LRIT3: variants seen among roughly 807,000 people sequenced by gnomAD.
LRIT3 encodes the protein leucine rich repeat, Ig-like and transmembrane domains 3, also known as leucine-rich repeat, immunoglobulin-like domain and transmembrane domain-containing protein 3.
In LRIT3, 14 loss-of-function variants were observed where a neutral mutation model predicts 22.6. That is an observed-to-expected ratio of 0.62 (90% CI 0.41 to 0.97). The LOEUF is 0.97. Ranked by LOEUF, LRIT3 falls within the 50% of genes least tolerant of loss-of-function variation. LRIT3 has a pLI of 0.00. For synonymous variants in LRIT3, 306 were observed against 304.5 expected (o/e 1.01, Z -0.05); for missense variants, 783 against 803.0 (o/e 0.98, Z 0.30).
intron 2 of LRIT3, among the ~76,000 whole-genome samples, chr4:109,858,829 T>A (rs1451322042): frequency 6.6e-6 from 1 of 152,198 alleles, no homozygotes; most frequent in Middle Eastern, 3.2e-3. Flanking sequence ...TTATAAGGAA[T>A]ACCAGTAATA....
At chr4:109,856,344 G>A (rs964834077) in intron 2 of LRIT3, among the ~76,000 whole-genome samples, 6 of 152,062 alleles carry the variant, frequency 3.9e-5, no homozygotes, top group Non-Finnish European at 8.8e-5. Context: ...GATCATGATT[G>A]GATTGAATAA....
chr4:109,850,420 T>C (rs1393255980), intron 1 of LRIT3, among the ~76,000 whole-genome samples: 3 of 21,474 alleles, frequency 1.4e-4, no homozygotes, highest in African/African-American at 7.6e-4. Flanking sequence ...CCTTCCTTCC[T>C]TCCTTTCTTT....
intron 1 of LRIT3, among the ~76,000 whole-genome samples, chr4:109,849,917 C>CTTA (rs1392120436): frequency 2.6e-5 from 4 of 152,164 alleles, no homozygotes. Context: ...CCGGCCAATA[C>CTTA]TTTCTTAATG....
intron 2 of LRIT3, among the ~76,000 whole-genome samples, chr4:109,853,665 AC>A (rs1356773121): frequency 2.0e-5 from 3 of 152,016 alleles, no homozygotes; most frequent in African/African-American, 7.2e-5. Context: ...TGAAGTCTTT[AC>A]CCATGCCTAT....
intron 3 of LRIT3, among the ~76,000 whole-genome samples, chr4:109,868,149 A>T (rs1370120236): frequency 6.6e-6 from 1 of 152,168 alleles, no homozygotes; most frequent in East Asian, 1.9e-4. Flanking sequence ...AAACAATCTA[A>T]ACTCTTTTTC....
rs996689340 is a variant in LRIT3 at position 109,870,579 on chromosome 4, A to G, written c.1830A>G (p.Gln610=). Residue 610 remains glutamine, a synonymous_variant, in exon 4 of 4, where the codon CAA becomes CAG. Coordinates refer to ENST00000594814, the MANE Select transcript of LRIT3 (RefSeq NM_198506.5). ...CFLLYKVCKL[Q]CKSEPFWEDD... ...TGTTGTACAAAGTTTGCAAACTGCA[A>G]TGTAAATCAGAACCTTTTTGGGAAG... 4 of 1,613,960 alleles carry G rather than the reference A, an allele frequency of 2.5e-6. No homozygotes were observed. Among genetic ancestry groups the G allele is most frequent in the Non-Finnish European group, 3.4e-6 (4 of 1,179,842 alleles).
At chr4:109,867,491 G>A in intron 2 of LRIT3, 150 bp from the exon 3 acceptor site, 1 of 671,370 alleles carries the variant, frequency 1.5e-6, no homozygotes, top group South Asian at 1.9e-5. Context: ...GGATTGCAGA[G>A]CAAAACTGAC....
intron 3 of LRIT3, among the ~76,000 whole-genome samples, chr4:109,868,571 A>G (rs13121758): frequency 0.47 from 68,695 of 146,714 alleles, 19,582 homozygotes; most frequent in Non-Finnish European, 0.64. Flanking sequence ...AAAAAAAAAA[A>G]AAGGACGGGG....
At chr4:109,861,583 G>A (rs1734547558) in intron 2 of LRIT3, among the ~76,000 whole-genome samples, 1 of 152,062 alleles carries the variant, frequency 6.6e-6, no homozygotes, top group South Asian at 2.1e-4. Flanking sequence ...TATTAATGGT[G>A]TTGGCCAGAT....
chr4:109,852,046 T>G (rs1350826863), intron 2 of LRIT3, 70 bp downstream of exon 2: 1 of 1,386,576 alleles, frequency 7.2e-7, no homozygotes, highest in Non-Finnish European at 9.6e-7. Flanking sequence ...TTGTCCAGTC[T>G]TTTAAAATTT....
chr4:109,850,403 CTTCCTTCCTTCCTTCCTTCCTTTCTTTCT>C (rs1734192808), intron 1 of LRIT3, among the ~76,000 whole-genome samples: 2 of 6,272 alleles, frequency 3.2e-4, no homozygotes, highest in African/African-American at 4.6e-4. Context: ...TCCTTCCTTC[CTTCCTTCCTTCCTTCCTTCCTTTCTTTCT>C]TTCTTTCTTT....
In LRIT3 at chr4:109,865,074, A is replaced by G. The variant is rs571707871; in HGVS notation, c.590-2567A>G. ...GATTTTAGTGTTAGTTTGTTGTTCC[A>G]TCTTTGGTTTCTTTTAGTCTATGAT... On this transcript the variant is annotated intron_variant, in intron 2 of 3. Transcript: ENST00000594814. The G allele has an allele frequency of 6.4e-6, 9 of 1,412,892 alleles. No individual in the cohort carries two copies. In the South Asian group the frequency reaches 6.9e-5, roughly 11 times the overall value. 87.5% of individuals were successfully genotyped at this position (1,412,892 alleles called of 1,614,324 possible).
At chr4:109,852,524 T>A (rs1364105898) in intron 2 of LRIT3, among the ~76,000 whole-genome samples, 1 of 152,270 alleles carries the variant, frequency 6.6e-6, no homozygotes, top group Non-Finnish European at 1.5e-5. Context: ...TGATTTGGTC[T>A]CTTAGTTTAG....
At chr4:109,857,470 A>G (rs906200274) in intron 2 of LRIT3, among the ~76,000 whole-genome samples, 1 of 152,210 alleles carries the variant, frequency 6.6e-6, no homozygotes, top group African/African-American at 2.4e-5. Context: ...GGATTTACTT[A>G]TAACCCTTTC....
rs1428170785 is a variant in LRIT3 at position 109,870,025 on chromosome 4, CTG to C, written c.1277_1278del (p.Leu426GlnfsTer34). The C allele has an allele frequency of 2.5e-6, 4 of 1,614,208 alleles. 1 individual carries two copies. Among genetic ancestry groups the C allele is most frequent in the Middle Eastern group, 1.6e-4 (1 of 6,062 alleles). On this transcript the variant is annotated frameshift_variant, in exon 4 of 4. Coordinates refer to ENST00000594814, the MANE Select transcript of LRIT3 (RefSeq NM_198506.5). LOFTEE classifies it low-confidence loss of function (END_TRUNC). The part of the protein sequence containing the change: ...SSSTVSSTTT[L>X]STSISASTTM... Reference sequence around the variant, plus strand: ...CTCCACTGTTTCTTCAACCACAACTCTGAGCACAAGCATCTCAGCAAGTACCA... The same window carrying C: ...CTCCACTGTTTCTTCAACCACAACTCAGCACAAGCATCTCAGCAAGTACCA...
chr4:109,850,990 G>C (rs987270424), intron 1 of LRIT3, among the ~76,000 whole-genome samples: 1 of 151,986 alleles, frequency 6.6e-6, no homozygotes, highest in Non-Finnish European at 1.5e-5. Flanking sequence ...TCTGAACAAG[G>C]ATTGATTTAT....
At chr4:109,863,738 A>G (rs1734604626) in intron 2 of LRIT3, among the ~76,000 whole-genome samples, 1 of 152,224 alleles carries the variant, frequency 6.6e-6, no homozygotes, top group Non-Finnish European at 1.5e-5. Flanking sequence ...ACCAACATCC[A>G]TAAAACGATG....
rs769022952 is a variant in LRIT3, at chr4:109,870,110, T to C, written c.1361T>C (p.Val454Ala). Residue 454 changes from valine to alanine, a missense_variant, in exon 4 of 4, where the codon GTG becomes GCG. Physicochemically the swap from Val to Ala is moderately conservative, Grantham distance 64 (BLOSUM62 0). Transcript: ENST00000594814. ...LHQGGKRNLK[V>A]AKNGSKLPPA... Reference sequence around the variant, plus strand: ...CAAGGTGGGAAAAGAAATTTAAAGGTGGCAAAGAATGGAAGTAAGCTTCCT... The same window carrying C: ...CAAGGTGGGAAAAGAAATTTAAAGGCGGCAAAGAATGGAAGTAAGCTTCCT... 2.5e-6 allele frequency: 4 copies of C among 1,614,014 alleles called. No homozygotes were observed. Among genetic ancestry groups the C allele is most frequent in the East Asian group, 2.2e-5 (1 of 44,884 alleles).
At chr4:109,866,455 A>G (rs1394992117) in intron 2 of LRIT3, among the ~76,000 whole-genome samples, 3 of 152,196 alleles carry the variant, frequency 2.0e-5, no homozygotes, top group Non-Finnish European at 4.4e-5. Context: ...CTGAAGTTCT[A>G]TCTTAATTTG....
Sources: allele counts gnomAD v4.1 joint callset (sites outside exome capture counted in the v4.1 genomes callset), GRCh38; gene constraint gnomAD v4.1.1; transcripts MANE v1.5; gene names NCBI Gene and HGNC (gene_info 2026-07-23, HGNC 2026-07-21).